The following MITF variants were observed in gnomAD, a reference collection of about 807,000 sequenced individuals.
The protein encoded by MITF is microphthalmia-associated transcription factor.
In MITF, 17 loss-of-function variants were observed where a neutral mutation model predicts 60.5. That is an observed-to-expected ratio of 0.28 (90% confidence interval 0.19 to 0.42). The LOEUF is 0.42. Among genes scored for constraint, MITF ranks in the 10% least tolerant of loss-of-function variants. The pLI, the probability that MITF is intolerant of heterozygous loss-of-function variation, is 1.00. For synonymous variants in MITF, 260 were observed against 248.5 expected (o/e 1.05, Z -0.43); for missense variants, 622 against 683.5 (o/e 0.91, Z 1.00).
At chr3:69,940,387 T>A (rs1473646910) in intron 4 of MITF, among the ~76,000 whole-genome samples, 1 of 152,218 alleles carries the variant, frequency 6.6e-6, no homozygotes, top group Non-Finnish European at 1.5e-5. Flanking sequence ...ATACATAAGG[T>A]GTTTATGAAG....
chr3:69,929,993 AC>A (rs1484163050), intron 2 of MITF, among the ~76,000 whole-genome samples: 2 of 151,832 alleles, frequency 1.3e-5, no homozygotes, highest in Non-Finnish European at 1.5e-5. Context: ...TTTTTGACCT[AC>A]CCCCGCCCCC....
At chr3:69,751,946 TA>T in intron 1 of MITF, 1 of 152,338 alleles carries the variant, frequency 6.6e-6, no homozygotes, top group Non-Finnish European at 1.5e-5. Context: ...TCTGGTCATT[TA>T]AAAGTGTGTA....
intron 1 of MITF, among the ~76,000 whole-genome samples, chr3:69,833,564 A>G (rs1430585648): frequency 6.6e-6 from 1 of 151,878 alleles, no homozygotes; most frequent in Non-Finnish European, 1.5e-5. Flanking sequence ...TGTACACTGT[A>G]TGTGGTTCCT....
chr3:69,850,574 C>G (rs2063808265), intron 1 of MITF, among the ~76,000 whole-genome samples: 1 of 152,150 alleles, frequency 6.6e-6, no homozygotes, highest in Admixed American at 6.5e-5. Flanking sequence ...TGCAGAGAAA[C>G]AAAAACCTGC....
In MITF at chr3:69,941,243, A is replaced by G. The variant is rs760625551; in HGVS notation, c.674A>G (p.Asp225Gly). The G allele has an allele frequency of 3.1e-6, 5 of 1,605,948 alleles. No individual in the cohort carries two copies. The highest frequency in any genetic ancestry group is 3.3e-4 in the Middle Eastern group (2 of 6,040). ...TTACCCTTTTTCCTACAGATGGATG[A>G]TGTAATCGATGACATCATTAGCCTA... ...HSRASCMQMD[D>G]VIDDIISLES... The change falls in exon 5 of 10, where the codon GAT (aspartate) becomes GGT (glycine). Residue 225 changes from aspartate (D) to glycine (G), a missense_variant. Physicochemically the swap from Asp to Gly is moderately conservative, Grantham distance 94. Around this residue, in one of 5 missense-constraint regions of MITF, gnomAD observed 215 missense variants for 224.8 expected, o/e 0.96. Transcript: ENST00000352241.
chr3:69,816,741 T>C (rs1559648632), intron 1 of MITF, among the ~76,000 whole-genome samples: 1 of 152,226 alleles, frequency 6.6e-6, no homozygotes, highest in Non-Finnish European at 1.5e-5. Flanking sequence ...TTATTTGTGA[T>C]AGTGCAAGTA....
At chr3:69,938,372 CAG>C (rs2065893896) in intron 3 of MITF, 1 of 1,568,280 alleles carries the variant, frequency 6.4e-7, no homozygotes, top group African/African-American at 1.4e-5. Flanking sequence ...AGTGAGAATG[CAG>C]AGAGAGGAGA....
chr3:69,883,800 C>CT (rs2064546706), intron 2 of MITF, among the ~76,000 whole-genome samples: 3 of 152,104 alleles, frequency 2.0e-5, no homozygotes, highest in Admixed American at 2.0e-4. Context: ...CCTGCTATGT[C>CT]TAAGATTTCT....
intron 1 of MITF, among the ~76,000 whole-genome samples, chr3:69,875,900 G>A (rs913040464): frequency 5.9e-5 from 9 of 152,336 alleles, no homozygotes; most frequent in Middle Eastern, 6.8e-3. Flanking sequence ...GTGCCATGAG[G>A]CGACTCTAAT....
At chr3:69,900,475 C>T (rs1298630918) in intron 2 of MITF, among the ~76,000 whole-genome samples, 3 of 152,084 alleles carry the variant, frequency 2.0e-5, no homozygotes, top group Admixed American at 2.0e-4. Flanking sequence ...CCCTGTTTAA[C>T]CAAACACCTC....
chr3:69,750,383 CTT>C lies in MITF; in HGVS notation c.104+10699_104+10700del, dbSNP rs72318666. On this transcript the variant is annotated intron_variant, in intron 1 of 9. Transcript: ENST00000352241. Reference sequence around the variant, plus strand: ...TTCTAGAGGAAACTATAGAGCTTTCCTTTTTTTTTTTTTTTTTTCCTTTTTTA... The same window carrying C: ...TTCTAGAGGAAACTATAGAGCTTTCCTTTTTTTTTTTTTTTTCCTTTTTTA... Among the ~76,000 whole-genome samples, 496 of 113,854 alleles carry C rather than the reference CTT, an allele frequency of 4.4e-3. 2 individuals are homozygous for C. Among genetic ancestry groups the C allele is most frequent in the African/African-American group, 0.012 (343 of 29,430 alleles). The allele number at this position is 113,854 out of a possible 152,430, so 74.7% of individuals were successfully genotyped here.
At chr3:69,834,985 G>T (rs1575790076) in intron 1 of MITF, among the ~76,000 whole-genome samples, 2 of 121,380 alleles carry the variant, frequency 1.6e-5, no homozygotes, top group African/African-American at 3.0e-5. Context: ...ATTTTCTTTT[G>T]AAAAGTGTCT....
intron 1 of MITF, among the ~76,000 whole-genome samples, chr3:69,778,603 C>T (rs1448361167): frequency 6.6e-6 from 1 of 152,150 alleles, no homozygotes; most frequent in African/African-American, 2.4e-5. Context: ...GGCATCACAA[C>T]TGCTTTACAC....
intron 7 of MITF, among the ~76,000 whole-genome samples, chr3:69,953,569 ATGTATGTG>A (rs556567866): frequency 3.7e-3 from 550 of 150,440 alleles, no homozygotes; most frequent in African/African-American, 0.013. Flanking sequence ...CCATTACTGT[ATGTATGTG>A]TGTATGTGTG....
At chr3:69,914,855 A>G (rs2065300746) in intron 2 of MITF, among the ~76,000 whole-genome samples, 1 of 152,208 alleles carries the variant, frequency 6.6e-6, no homozygotes, top group South Asian at 2.1e-4. Flanking sequence ...ATTATACTCT[A>G]CAGATATATT....
chr3:69,951,653 C>A (rs933245523), intron 6 of MITF, among the ~76,000 whole-genome samples, 159 bp from the exon 7 acceptor site: 4 of 151,866 alleles, frequency 2.6e-5, no homozygotes, highest in African/African-American at 7.3e-5. Flanking sequence ...TGAAAACATG[C>A]AAGCTTTTTA....
intron 1 of MITF, among the ~76,000 whole-genome samples, chr3:69,754,425 T>C (rs937421775): frequency 1.3e-5 from 2 of 151,978 alleles, no homozygotes; most frequent in Admixed American, 1.3e-4. Flanking sequence ...CCGGCCAAAG[T>C]ATTGGGATTA....
intron 3 of MITF, chr3:69,938,266 C>A: frequency 1.6e-6 from 2 of 1,280,838 alleles, no homozygotes; most frequent in Non-Finnish European, 2.2e-6. Context: ...CTGGCCCTCT[C>A]CAAGTGAAAT....
chr3:69,767,314 A>C (rs1476982996), intron 1 of MITF, among the ~76,000 whole-genome samples: 1 of 152,078 alleles, frequency 6.6e-6, no homozygotes, highest in Non-Finnish European at 1.5e-5. Flanking sequence ...AAGACAAAAG[A>C]TGGAGGGGCA....
Sources: gnomAD v4.1 joint callset for allele counts (sites outside exome capture counted in the v4.1 genomes callset) on GRCh38, gnomAD v4.1.1 for gene constraint, gnomAD v4.1.1 regional missense constraint, MANE v1.5 for transcripts, NCBI Gene and HGNC (gene_info 2026-07-23, HGNC 2026-07-21) for gene names.